Variants in SMPD3 observed in about 807,000 individuals in gnomAD.
SMPD3 encodes sphingomyelin phosphodiesterase 3.
In SMPD3, 21 loss-of-function variants were observed where a neutral mutation model predicts 55.7. The ratio of observed to expected loss-of-function variants is 0.38; its 90% CI spans 0.27 to 0.54. SMPD3 has a LOEUF of 0.54. SMPD3 is among the 20% of genes least tolerant of loss of function. The probability of loss-of-function intolerance (pLI) is 0.80; values close to 1 mark genes in which losing one functional copy is unlikely to be tolerated. For synonymous variants in SMPD3, 457 were observed against 404.3 expected, an observed-to-expected ratio of 1.13 and a Z score of -1.56; for missense variants, 842 against 899.6, an observed-to-expected ratio of 0.94 and a Z score of 0.82.
chr16:68,384,127 T>C (rs2090005523), intron 2 of SMPD3, among the ~76,000 whole-genome samples: 1 of 152,182 alleles, frequency 6.6e-6, no homozygotes, highest in Non-Finnish European at 1.5e-5. Flanking sequence ...TCTGGTGGCC[T>C]GATTCCTCTG....
rs372399436 is a variant in SMPD3, at chr16:68,371,707, G to A, written c.475C>T (p.Arg159Cys). 351 of 1,585,438 alleles carry A rather than the reference G, an allele frequency of 2.2e-4. No individual in the cohort carries two copies. The highest frequency in any genetic ancestry group is 1.2e-3 in the Admixed American group (69 of 56,210). Residue 159 changes from arginine to cysteine, a missense_variant, in exon 3 of 9, where the codon CGC (arginine) becomes TGC (cysteine). Physicochemically the swap from Arg to Cys is radical, Grantham distance 180 (BLOSUM62 -3). This residue lies in a region of SMPD3 where 193 missense variants were observed against 256.0 expected (regional missense o/e 0.75). Transcript: ENST00000219334. ...ATCTGGGGCCGGGCGGCCCCATTGC[G>A]GATTCTCTGCCCGATCTCCTTGGCC... Reference protein sequence around the residue: ...ARAKEIGQRIRNGAARPQIKI... With the variant: ...ARAKEIGQRICNGAARPQIKI...
intron 1 of SMPD3, among the ~76,000 whole-genome samples, chr16:68,389,877 G>C (rs2152003865): frequency 6.6e-6 from 1 of 152,340 alleles, no homozygotes; most frequent in African/African-American, 2.4e-5. Flanking sequence ...AGGGTTCTGG[G>C]ACCTTGCACA....
rs866248972 is a variant in SMPD3 at position 68,361,843 on chromosome 16, C to T, written c.1710-84G>A. 12 of 1,465,102 alleles carry T rather than the reference C, an allele frequency of 8.2e-6. No individual in the cohort carries two copies. The Middle Eastern group carries it at 1.6e-3, about 189-fold the overall frequency. The allele number at this position is 1,465,102 out of a possible 1,614,324, so 90.8% of individuals were successfully genotyped here. A position where few individuals can be genotyped will look rare whatever the true frequency, so the allele number is the denominator to read the frequency against. Reference sequence around the variant, plus strand: ...GGGCTGTGTGTGGAGCCATGGTCTCCTCCCAGTGTGGGAGCGGGTGGGTGG... The same window carrying T: ...GGGCTGTGTGTGGAGCCATGGTCTCTTCCCAGTGTGGGAGCGGGTGGGTGG... On this transcript the variant is annotated intron_variant, in intron 7 of 8. Coordinates refer to ENST00000219334, the MANE Select transcript of SMPD3 (RefSeq NM_018667.4).
intron 1 of SMPD3, among the ~76,000 whole-genome samples, chr16:68,445,528 G>T (rs982539383): frequency 1.2e-4 from 18 of 152,288 alleles, no homozygotes; most frequent in South Asian, 8.3e-4. Context: ...GTAGGAGGGA[G>T]CCCCCCAATA....
chr16:68,388,472 C>A (rs1446369751), intron 1 of SMPD3, among the ~76,000 whole-genome samples: 2 of 152,182 alleles, frequency 1.3e-5, no homozygotes, highest in Non-Finnish European at 2.9e-5. Context: ...AGGAGGCAGG[C>A]CACTCCTGAG....
chr16:68,409,776 G>A (rs1337941781), intron 1 of SMPD3, among the ~76,000 whole-genome samples: 2 of 152,182 alleles, frequency 1.3e-5, no homozygotes, highest in Admixed American at 6.5e-5. Flanking sequence ...TGTATTTTTA[G>A]TAGAGACGGG....
Position 68,382,775 on chromosome 16 carries a change from C to T in SMPD3, c.-207+3823G>A, listed in dbSNP as rs566794500. Among the ~76,000 whole-genome samples the T allele has an allele frequency of 2.6e-5, 4 of 152,300 alleles. No homozygotes were observed. The East Asian group carries it at 7.7e-4, about 29-fold the overall frequency. On this transcript the variant is annotated intron_variant, in intron 2 of 8. Transcript: ENST00000219334. Reference sequence around the variant, plus strand: ...AGGAGGGGCAGCTGGGGAACACGGGCCTGAGGGGAGGATCCCCTGCATTCA... The same window carrying T: ...AGGAGGGGCAGCTGGGGAACACGGGTCTGAGGGGAGGATCCCCTGCATTCA...
intron 1 of SMPD3, among the ~76,000 whole-genome samples, chr16:68,425,322 C>A (rs2090427390): frequency 6.6e-6 from 1 of 152,208 alleles, no homozygotes; most frequent in East Asian, 1.9e-4. Flanking sequence ...CTTTCCTATT[C>A]AAAAGAAATA....
In SMPD3 at chr16:68,361,721, G is replaced by A. The variant is rs377365842; in HGVS notation, c.1748C>T (p.Ala583Val). The A allele has an allele frequency of 3.2e-5, 52 of 1,612,856 alleles. No individual in the cohort carries two copies. The highest frequency in any genetic ancestry group is 4.3e-5 in the Non-Finnish European group (51 of 1,179,966). Reference protein sequence around the residue: ...ESEEGRREYLAFPTSKSSGQK... With the variant: ...ESEEGRREYLVFPTSKSSGQK... ...GCCCGAGCTCTTGCTGGTGGGAAAC[G>A]CCAGGTACTCCCTGCGGCCCTCCTC... Residue 583 changes from alanine to valine, a missense_variant, in exon 8 of 9, where the codon GCG becomes GTG. Physicochemically the swap from Ala to Val is moderately conservative, Grantham distance 64. Around this residue, in one of 2 missense-constraint regions of SMPD3, gnomAD observed 649 missense variants for 643.6 expected, o/e 1.01. Transcript: ENST00000219334.
At chr16:68,405,425 C>T (rs2090245769) in intron 1 of SMPD3, among the ~76,000 whole-genome samples, 1 of 151,494 alleles carries the variant, frequency 6.6e-6, no homozygotes, top group Non-Finnish European at 1.5e-5. Context: ...TGGCACACAC[C>T]CGTGGTCCCA....
chr16:68,375,888 C>T (rs1011956652), intron 2 of SMPD3, among the ~76,000 whole-genome samples: 1 of 152,332 alleles, frequency 6.6e-6, no homozygotes, highest in South Asian at 2.1e-4. Flanking sequence ...CAGCCCTTCC[C>T]GCTGCCCTTC....
chr16:68,389,850 G>C (rs1319956955), intron 1 of SMPD3, among the ~76,000 whole-genome samples: 1 of 152,214 alleles, frequency 6.6e-6, no homozygotes, highest in East Asian at 1.9e-4. Flanking sequence ...AAGGGGTCCT[G>C]ATCCAGACCT....
chr16:68,371,244 G>T lies in SMPD3; in HGVS notation c.938C>A (p.Ala313Asp), dbSNP rs1213881508. The T allele has an allele frequency of 6.2e-7, 1 of 1,606,596 alleles. No individual in the cohort carries two copies. ...VKGRAGPDTS[A>D]SGEPGANSKL... ...GCTGTTGGCACCTGGCTCCCCGCTG[G>T]CACTGGTGTCTGGCCCAGCTCGCCC... is the stretch of plus-strand genomic sequence containing the variant. Residue 313 changes from alanine (A) to aspartate (D), a missense_variant, in exon 3 of 9, where the codon GCC becomes GAC. Physicochemically the swap from Ala to Asp is moderately radical, Grantham distance 126. This residue lies in a region of SMPD3 where 649 missense variants were observed against 643.6 expected (regional missense o/e 1.01). Transcript: ENST00000219334.
At chr16:68,420,270 A>G (rs1180628048) in intron 1 of SMPD3, among the ~76,000 whole-genome samples, 5 of 152,150 alleles carry the variant, frequency 3.3e-5, no homozygotes, top group Non-Finnish European at 7.3e-5. Context: ...TATCATTACT[A>G]TAGGCACCTT....
intron 3 of SMPD3, chr16:68,369,075 G>GGC (rs1164379701): frequency 1.3e-5 from 2 of 152,096 alleles, no homozygotes; most frequent in African/African-American, 2.4e-5. Flanking sequence ...AAATTAGCCA[G>GGC]GCGTGGTGGT....
intron 1 of SMPD3, among the ~76,000 whole-genome samples, chr16:68,408,328 G>T (rs1023198634): frequency 6.6e-6 from 1 of 152,186 alleles, no homozygotes; most frequent in Non-Finnish European, 1.5e-5. Context: ...ACATAAAGCT[G>T]CCTATGGAAT....
At chr16:68,434,081 T>C (rs1427371374) in intron 1 of SMPD3, among the ~76,000 whole-genome samples, 2 of 152,260 alleles carry the variant, frequency 1.3e-5, no homozygotes, top group African/African-American at 2.4e-5. Context: ...AAATGTGTAC[T>C]AAATTTAACA....
intron 1 of SMPD3, among the ~76,000 whole-genome samples, chr16:68,393,149 A>T (rs2090127078): frequency 6.6e-6 from 1 of 152,228 alleles, no homozygotes; most frequent in Non-Finnish European, 1.5e-5. Flanking sequence ...TCATGCCTGT[A>T]ATCCCAGAAC....
rs576786381 is a variant in SMPD3, at chr16:68,361,535, G to A, written c.1866+68C>T. 69 of 1,577,446 alleles carry A rather than the reference G, an allele frequency of 4.4e-5. 1 individual carries two copies. The African/African-American group carries it at 6.3e-4, about 14-fold the overall frequency. ...CGTGGGGTTTCAGGGAGCGGCTGTC[G>A]AGAGCTGCAGGGCCCGGGCCCTGCT... On this transcript the variant is annotated intron_variant, in intron 8 of 8. Coordinates refer to ENST00000219334, the MANE Select transcript of SMPD3 (RefSeq NM_018667.4).
Sources: allele counts gnomAD v4.1 joint callset (sites outside exome capture counted in the v4.1 genomes callset), GRCh38; gene constraint gnomAD v4.1.1; regional missense constraint gnomAD v4.1.1; transcripts MANE v1.5; gene names NCBI Gene and HGNC (gene_info 2026-07-23, HGNC 2026-07-21).